Variants in NCOR1 observed in about 807,000 individuals in gnomAD.
NCOR1 encodes the protein nuclear receptor corepressor 1, also known as protein phosphatase 1, regulatory subunit 109.
NCOR1 carries 63 observed loss-of-function variants against 288.1 expected under a neutral mutation model. The observed-to-expected ratio is 0.22, with a 90% CI of 0.18 to 0.27. The LOEUF (loss-of-function observed/expected upper bound fraction) is 0.27, where lower values mean the gene tolerates loss of function less well. Ranked by LOEUF, NCOR1 falls within the 10% of genes least tolerant of loss-of-function variation. The probability of loss-of-function intolerance (pLI) is 1.00; values close to 1 mark genes in which losing one functional copy is unlikely to be tolerated. For synonymous variants in NCOR1, 1,007 were observed against 1,065.9 expected (o/e 0.94, Z 1.08); for missense variants, 2,397 against 3,019.2 (o/e 0.79, Z 4.83).
intron 4 of NCOR1, among the ~76,000 whole-genome samples, chr17:16,170,239 G>A (rs1488952444): frequency 1.3e-5 from 2 of 151,718 alleles, no homozygotes; most frequent in Non-Finnish European, 2.9e-5. Context: ...AAATGTGTGG[G>A]TACTTATTTA....
intron 1 of NCOR1, among the ~76,000 whole-genome samples, chr17:16,207,964 C>G (rs879137457): frequency 6.7e-6 from 1 of 149,540 alleles, no homozygotes; most frequent in African/African-American, 2.4e-5. Flanking sequence ...TAAAACTAGT[C>G]GATATTATTC....
Position 16,062,265 on chromosome 17 carries a change from C to G in NCOR1, c.5227G>C (p.Glu1743Gln). 6.2e-7 allele frequency: 1 copy of G among 1,601,812 alleles called. No homozygotes were observed. Among genetic ancestry groups the G allele is most frequent in the Non-Finnish European group, 8.5e-7 (1 of 1,177,178 alleles). ...TGACTGCCAGGTCGGCCAGGCTGTTCTGAGCCTGCAGAGGTGAAAAAGAGA... is the reference window on the plus strand; with the variant it reads ...TGACTGCCAGGTCGGCCAGGCTGTTGTGAGCCTGCAGAGGTGAAAAAGAGA... Reference protein sequence around the residue: ...SSDLYLRPGSEQPGRPGSHGY... With the variant: ...SSDLYLRPGSQQPGRPGSHGY... Residue 1743 changes from glutamate to glutamine, a missense_variant, in exon 36 of 46, where the codon GAA becomes CAA. Coordinates refer to ENST00000268712, the MANE Select transcript of NCOR1 (RefSeq NM_006311.4).
At chr17:16,111,389 G>A (rs1257489090) in intron 18 of NCOR1, among the ~76,000 whole-genome samples, 1 of 152,064 alleles carries the variant, frequency 6.6e-6, no homozygotes, top group East Asian at 1.9e-4. Context: ...ATAACTTGAG[G>A]CCAGGAGTTC....
At position 16,098,352 on chromosome 17, in the gene NCOR1, A is replaced by G. The variant is rs769657494; in HGVS notation, c.2820+15T>C. Reference sequence around the variant, plus strand: ...TTTTTCATATTTAGTTTTCTTCCTCACAATAAAAACTTACCATTGGTGGGA... The same window carrying G: ...TTTTTCATATTTAGTTTTCTTCCTCGCAATAAAAACTTACCATTGGTGGGA... On this transcript the variant is annotated intron_variant, in intron 21 of 45. Transcript: ENST00000268712. The G allele has an allele frequency of 8.7e-6, 14 of 1,610,270 alleles. No homozygotes were observed. The highest frequency in any genetic ancestry group is 4.0e-5 in the African/African-American group (3 of 74,712).
Position 16,075,582 on chromosome 17 carries a change from C to T in NCOR1, c.3622G>A (p.Gly1208Ser). The T allele has an allele frequency of 6.2e-7, 1 of 1,614,188 alleles. No individual in the cohort carries two copies. The highest frequency in any genetic ancestry group is 8.5e-7 in the Non-Finnish European group (1 of 1,180,038). The part of the protein sequence containing the change: ...EKGREEAASK[G>S]HVIYEGKSGH... ...CTTTTGCCTTCATAAATAACATGGC[C>T]TTTGGATGCAGCTTCCTCTCTGCCT... is the stretch of plus-strand genomic sequence containing the variant. Residue 1208 changes from glycine (G) to serine (S), a missense_variant, in exon 27 of 46, where the codon GGC (glycine) becomes AGC (serine). Physicochemically the swap from Gly to Ser is moderately conservative, Grantham distance 56. This residue lies in a region of NCOR1 where 1,872 missense variants were observed against 2,187.8 expected (regional missense o/e 0.86). Transcript: ENST00000268712.
intron 10 of NCOR1, among the ~76,000 whole-genome samples, chr17:16,145,845 C>T (rs1242247674): frequency 1.3e-5 from 2 of 152,016 alleles, no homozygotes; most frequent in East Asian, 3.9e-4. Context: ...GCGGTTTTGT[C>T]GACTAGAGAG....
chr17:16,128,628 A>T (rs988803177), intron 14 of NCOR1, among the ~76,000 whole-genome samples: 1 of 152,216 alleles, frequency 6.6e-6, no homozygotes, highest in Non-Finnish European at 1.5e-5. Flanking sequence ...TCGACTGTTC[A>T]TTCTGATCCA....
At chr17:16,134,880 C>T (rs1462736316) in intron 14 of NCOR1, among the ~76,000 whole-genome samples, 1 of 152,178 alleles carries the variant, frequency 6.6e-6, no homozygotes, top group Non-Finnish European at 1.5e-5. Flanking sequence ...GCAGCTGAGG[C>T]CGGGCGCCGT....
At position 16,073,590 on chromosome 17, in the gene NCOR1, A is replaced by G; in HGVS notation, c.3671-21T>C. 1.9e-6 allele frequency: 3 copies of G among 1,568,720 alleles called. No individual in the cohort carries two copies. The Middle Eastern group carries it at 5.1e-4, about 265-fold the overall frequency. ...AATATCTACAGAATACACAAACAAG[A>G]CTTGCTCAGACGGAGCACATGGTAT... On this transcript the variant is annotated intron_variant, in intron 27 of 45. Transcript: ENST00000268712.
At chr17:16,113,153 G>A (rs2070699416) in intron 18 of NCOR1, among the ~76,000 whole-genome samples, 2 of 151,418 alleles carry the variant, frequency 1.3e-5, no homozygotes, top group African/African-American at 2.4e-5. Flanking sequence ...CTGACCTTGT[G>A]TTCTGCCCTC....
At chr17:16,182,199 G>T (rs1173862112) in intron 3 of NCOR1, among the ~76,000 whole-genome samples, 3 of 152,108 alleles carry the variant, frequency 2.0e-5, no homozygotes, top group African/African-American at 7.2e-5. Context: ...AAGCCTGCCT[G>T]TTTCCAGTAA....
At chr17:16,137,861 T>A (rs1366496500) in intron 13 of NCOR1, 1 of 312,892 alleles carries the variant, frequency 3.2e-6, no homozygotes, top group Non-Finnish European at 5.8e-6. Context: ...TATGTGCTGC[T>A]GAAGCGAGCA....
chr17:16,039,510 A>G lies in NCOR1; in HGVS notation c.6878T>C (p.Val2293Ala), dbSNP rs1440372482. ...AACTGAGGTGTTGGCAGTACCAGGC[A>G]CTACTCCCATAGGCTGGGACATGAC... ...GVVMSQPMGV[V>A]PGTANTSVVT... Residue 2293 changes from valine (V) to alanine (A), a missense_variant, in exon 44 of 46, where the codon GTG (valine) becomes GCG (alanine). Val to Ala is a moderately conservative substitution (Grantham distance 64, BLOSUM62 0). Coordinates refer to ENST00000268712, the MANE Select transcript of NCOR1 (RefSeq NM_006311.4). 6.2e-7 allele frequency: 1 copy of G among 1,614,078 alleles called. No homozygotes were observed. Among genetic ancestry groups the G allele is most frequent in the Non-Finnish European group, 8.5e-7 (1 of 1,180,004 alleles).
chr17:16,210,825 G>A (rs1473493993), intron 1 of NCOR1, among the ~76,000 whole-genome samples: 2 of 151,854 alleles, frequency 1.3e-5, no homozygotes, highest in Non-Finnish European at 2.9e-5. Context: ...CGCCTCCCGG[G>A]TTCACGCCAT....
In NCOR1 at chr17:16,111,337, C is replaced by T. The variant is rs117740952; in HGVS notation, c.2056-2425G>A. On this transcript the variant is annotated intron_variant, in intron 18 of 45. Coordinates refer to ENST00000268712, the MANE Select transcript of NCOR1 (RefSeq NM_006311.4). ...TGGCTCATGGCCAGACCCAGTGGCT[C>T]AGACCTGTAATCCCAGCACACTGGG... Among the ~76,000 whole-genome samples the T allele has an allele frequency of 7.6e-3, 1,151 of 152,306 alleles. 18 individuals are homozygous for T. The highest frequency in any genetic ancestry group is 0.049 in the East Asian group (254 of 5,182).
rs1199741927 is a variant in NCOR1, at chr17:16,139,037, A to G, written c.1323T>C (p.Thr441=). ...CCTTAAAGATCTCCTTTTCATGGTC[A>G]GTCCAAACATTCATAAACTGCCTAT... The part of the protein sequence containing the change: ...YKDRQFMNVW[T]DHEKEIFKDK... The change falls in exon 12 of 46, where the codon ACT becomes ACC. Residue 441 remains threonine, a synonymous_variant. Transcript: ENST00000268712. 1.3e-6 allele frequency: 2 copies of G among 1,587,396 alleles called. No individual in the cohort carries two copies. Among genetic ancestry groups the G allele is most frequent in the African/African-American group, 1.3e-5 (1 of 74,266 alleles).
chr17:16,161,230 G>GACACACAC (rs67635232), intron 5 of NCOR1, among the ~76,000 whole-genome samples: 95 of 143,234 alleles, frequency 6.6e-4, no homozygotes, highest in African/African-American at 1.4e-3. Context: ...AACACACACA[G>GACACACAC]ACACACACAC....
At chr17:16,087,609 C>T (rs761249137) in intron 22 of NCOR1, among the ~76,000 whole-genome samples, 11 of 152,186 alleles carry the variant, frequency 7.2e-5, no homozygotes, top group Non-Finnish European at 1.3e-4. Flanking sequence ...AGTGTTTTCA[C>T]ATGCAATAAA....
chr17:16,073,653 T>G, intron 27 of NCOR1, 84 bp from the exon 28 acceptor site: 2 of 1,097,438 alleles, frequency 1.8e-6, no homozygotes, highest in Non-Finnish European at 2.4e-6. Flanking sequence ...ATAGTCTATC[T>G]TATAAAAATA....
Sources: gnomAD v4.1 joint callset for allele counts (sites outside exome capture counted in the v4.1 genomes callset) on GRCh38, gnomAD v4.1.1 for gene constraint, gnomAD v4.1.1 regional missense constraint, MANE v1.5 for transcripts, NCBI Gene and HGNC (gene_info 2026-07-23, HGNC 2026-07-21) for gene names.